The following PDE11A variants were observed in gnomAD, a reference collection of about 807,000 sequenced individuals.
PDE11A encodes the protein phosphodiesterase 11A.
Under a neutral mutation model 100.5 loss-of-function variants are expected in PDE11A, and 100 were observed. The ratio of observed to expected loss-of-function variants is 1.00; its 90% CI spans 0.85 to 1.18. The LOEUF is 1.18. Ranked by LOEUF, PDE11A falls within the 50% of genes most tolerant of loss-of-function variation. The pLI is 0.00. For synonymous variants in PDE11A, 381 were observed against 420.8 expected (o/e 0.91, Z 1.16); for missense variants, 1,141 against 1,152.6 (o/e 0.99, Z 0.15).
intron 2 of PDE11A, among the ~76,000 whole-genome samples, chr2:178,101,229 A>G (rs969827933): frequency 6.6e-6 from 1 of 152,210 alleles, no homozygotes; most frequent in Non-Finnish European, 1.5e-5. Context: ...AACTCACAGA[A>G]ATCAGGAAAG....
intron 9 of PDE11A, among the ~76,000 whole-genome samples, chr2:177,812,338 A>G (rs1435437744): frequency 6.6e-6 from 1 of 152,108 alleles, no homozygotes; most frequent in Admixed American, 6.5e-5. Flanking sequence ...TGATCAGGCT[A>G]ATACTAAAAT....
chr2:177,678,123 T>A (rs1255571597), intron 16 of PDE11A, among the ~76,000 whole-genome samples: 1 of 152,228 alleles, frequency 6.6e-6, no homozygotes, highest in East Asian at 1.9e-4. Context: ...CCACGAATGA[T>A]CACATAAAAT....
chr2:177,774,608 C>A (rs1416957599), intron 9 of PDE11A, among the ~76,000 whole-genome samples: 1 of 152,190 alleles, frequency 6.6e-6, no homozygotes, highest in Non-Finnish European at 1.5e-5. Flanking sequence ...TAGGCTCAGT[C>A]TCTTCTTCAG....
At chr2:178,092,585 C>T (rs1036638686) in intron 2 of PDE11A, 2 of 152,020 alleles carry the variant, frequency 1.3e-5, no homozygotes, top group Non-Finnish European at 2.9e-5. Context: ...CATGTTAGTT[C>T]CAGGGATATA....
intron 6 of PDE11A, among the ~76,000 whole-genome samples, chr2:177,833,058 C>G (rs1309593849): frequency 6.6e-6 from 1 of 152,148 alleles, no homozygotes; most frequent in African/African-American, 2.4e-5. Flanking sequence ...TTGCCACAGT[C>G]TCTTCTTCTG....
chr2:178,100,189 T>G (rs1424386929), intron 2 of PDE11A, among the ~76,000 whole-genome samples: 2 of 152,212 alleles, frequency 1.3e-5, no homozygotes, highest in African/African-American at 4.8e-5. Context: ...AGTGTGTGCT[T>G]AAAATGACAC....
intron 3 of PDE11A, among the ~76,000 whole-genome samples, chr2:177,901,153 T>C (rs1343655730): frequency 4.6e-5 from 7 of 152,130 alleles, no homozygotes; most frequent in African/African-American, 1.4e-4. Flanking sequence ...CTAAACTGCT[T>C]CTCAGATCAG....
In PDE11A at chr2:177,848,707, G is replaced by A. The variant is rs577413564; in HGVS notation, c.1368-8324C>T. Among the ~76,000 whole-genome samples, 72 of 152,198 alleles carry A rather than the reference G, an allele frequency of 4.7e-4. 1 individual carries two copies. Among genetic ancestry groups the A allele is most frequent in the African/African-American group, 1.6e-3 (68 of 41,526 alleles). On this transcript the variant is annotated intron_variant, in intron 5 of 19. Transcript: ENST00000286063. ...TGTGGCTGCCCCTGAAGTGAGGGCC[G>A]GTGAGGTATATATAAACCTCAGGGC...
chr2:177,866,657 C>T (rs2084034935), intron 5 of PDE11A, among the ~76,000 whole-genome samples: 1 of 152,230 alleles, frequency 6.6e-6, no homozygotes, highest in African/African-American at 2.4e-5. Context: ...AATGTGTCTG[C>T]ATGTGTCTCT....
intron 2 of PDE11A, among the ~76,000 whole-genome samples, chr2:177,969,416 C>T (rs1242773413): frequency 6.6e-6 from 1 of 152,002 alleles, no homozygotes; most frequent in East Asian, 1.9e-4. Flanking sequence ...ACATGAATCC[C>T]AGAACTTAAA....
intron 2 of PDE11A, among the ~76,000 whole-genome samples, chr2:178,077,831 G>A (rs916640223): frequency 1.3e-5 from 2 of 151,926 alleles, no homozygotes; most frequent in South Asian, 4.2e-4. Flanking sequence ...GAAGACTGAG[G>A]TACAGATGGA....
At chr2:177,643,813 G>C (rs1158172382) in intron 19 of PDE11A, among the ~76,000 whole-genome samples, 1 of 152,182 alleles carries the variant, frequency 6.6e-6, no homozygotes, top group Non-Finnish European at 1.5e-5. Flanking sequence ...GTGCAGTCTA[G>C]GACTTGGTGC....
At chr2:177,798,020 C>G (rs1453067528) in intron 9 of PDE11A, among the ~76,000 whole-genome samples, 1 of 152,150 alleles carries the variant, frequency 6.6e-6, no homozygotes, top group East Asian at 1.9e-4. Context: ...GGGTAGCTCT[C>G]CAGCCTCAGG....
At chr2:177,906,352 C>T (rs1429794460) in intron 2 of PDE11A, among the ~76,000 whole-genome samples, 1 of 152,172 alleles carries the variant, frequency 6.6e-6, no homozygotes, top group Non-Finnish European at 1.5e-5. Flanking sequence ...GCACCCAGGA[C>T]ATCCAGAAAA....
intron 1 of PDE11A, among the ~76,000 whole-genome samples, chr2:178,057,947 C>T (rs1322593417): frequency 1.3e-5 from 2 of 152,022 alleles, no homozygotes; most frequent in East Asian, 1.9e-4. Flanking sequence ...AACCTCCACC[C>T]CCTGGGTTCA....
intron 19 of PDE11A, among the ~76,000 whole-genome samples, chr2:177,663,106 A>G (rs2080507063): frequency 6.6e-6 from 1 of 152,238 alleles, no homozygotes; most frequent in Non-Finnish European, 1.5e-5. Context: ...GCAAATGCTT[A>G]GAAGTAGAAT....
intron 5 of PDE11A, among the ~76,000 whole-genome samples, chr2:177,868,620 AT>A (rs1054971809): frequency 6.6e-6 from 1 of 152,234 alleles, no homozygotes; most frequent in Non-Finnish European, 1.5e-5. Context: ...TCAATTCTCA[AT>A]TCAGAGTCGT....
chr2:177,820,872 A>G (rs1311840944), intron 6 of PDE11A, among the ~76,000 whole-genome samples: 1 of 151,956 alleles, frequency 6.6e-6, no homozygotes, highest in Non-Finnish European at 1.5e-5. Flanking sequence ...AGGAGGTGAC[A>G]TTTAAAATAC....
chr2:177,850,758 T>C (rs1005714035), intron 5 of PDE11A, among the ~76,000 whole-genome samples: 1 of 152,064 alleles, frequency 6.6e-6, no homozygotes, highest in African/African-American at 2.4e-5. Flanking sequence ...AGGAAGAAAT[T>C]TATGCAGCCA....
Sources: gnomAD v4.1 joint callset for allele counts (sites outside exome capture counted in the v4.1 genomes callset) on GRCh38, gnomAD v4.1.1 for gene constraint, MANE v1.5 for transcripts, NCBI Gene and HGNC (gene_info 2026-07-23, HGNC 2026-07-21) for gene names.